Variants in OAT observed in about 807,000 individuals in gnomAD.
The protein encoded by OAT is ornithine aminotransferase, mitochondrial.
OAT carries 35 observed loss-of-function variants against 48.4 expected under a neutral mutation model. The observed-to-expected ratio is 0.72, with a 90% CI of 0.55 to 0.96. The LOEUF is 0.96. Ranked by LOEUF, OAT falls within the 40% of genes least tolerant of loss-of-function variation. OAT has a pLI of 0.00. For synonymous variants in OAT, 182 were observed against 198.4 expected (o/e 0.92, Z 0.70); for missense variants, 438 against 537.9 (o/e 0.81, Z 1.84).
intron 5 of OAT, among the ~76,000 whole-genome samples, chr10:124,405,135 A>C (rs1589704654): frequency 6.6e-6 from 1 of 152,328 alleles, no homozygotes; most frequent in African/African-American, 2.4e-5. Flanking sequence ...CCACTTCATA[A>C]TTTTAAAAAG....
chr10:124,403,286 G>GAGGCCATTCTTCCT (rs1951467839), intron 6 of OAT: 2 of 592,240 alleles, frequency 3.4e-6, no homozygotes, highest in South Asian at 4.0e-5. Context: ...GGCCCATTCT[G>GAGGCCATTCTTCCT]CCCTGCTCTA....
At chr10:124,416,290 G>T (rs979310665) in intron 1 of OAT, among the ~76,000 whole-genome samples, 6 of 152,170 alleles carry the variant, frequency 3.9e-5, no homozygotes, top group African/African-American at 1.4e-4. Context: ...CAGATAAAGA[G>T]GTCAGTCTTA....
At position 124,401,270 on chromosome 10, in the gene OAT, G is replaced by A. The variant is rs1022821973; in HGVS notation, c.1015-286C>T. Among the ~76,000 whole-genome samples, 12 of 152,186 alleles carry A rather than the reference G, an allele frequency of 7.9e-5. No homozygotes were observed. The South Asian group carries it at 1.0e-3, about 13-fold the overall frequency. On this transcript the variant is annotated intron_variant, in intron 8 of 9. Transcript: ENST00000368845. ...TCATTAATTGAATACATCAATGGAC[G>A]AAATGTAATTCCTAAACTGCAATAG...
intron 1 of OAT, among the ~76,000 whole-genome samples, chr10:124,417,650 G>T (rs887693787): frequency 1.1e-4 from 16 of 152,080 alleles, no homozygotes; most frequent in African/African-American, 3.4e-4. Context: ...ACAGAACCAG[G>T]ATATTCTAAT....
chr10:124,400,740 A>G, intron 9 of OAT, 100 bp downstream of exon 9: 1 of 968,236 alleles, frequency 1.0e-6, no homozygotes, highest in South Asian at 1.6e-5. Flanking sequence ...ACAGAGCAAG[A>G]CTCCGTCTCG....
chr10:124,405,613 A>G, intron 4 of OAT, 50 bp from the exon 5 acceptor site: 1 of 1,607,368 alleles, frequency 6.2e-7, no homozygotes, highest in South Asian at 1.1e-5. Flanking sequence ...CCAAAATTCA[A>G]TAAGCACTAT....
At chr10:124,403,989 A>G in intron 5 of OAT, 69 bp from the exon 6 acceptor site, 1 of 1,579,744 alleles carries the variant, frequency 6.3e-7, no homozygotes, top group Non-Finnish European at 8.7e-7. Flanking sequence ...GAAAGCATAT[A>G]CCACACATAT....
chr10:124,412,344 C>T (rs1450467883), intron 1 of OAT, 144 bp from the exon 2 acceptor site: 1 of 658,702 alleles, frequency 1.5e-6, no homozygotes, highest in African/African-American at 1.9e-5. Context: ...GACTCCATCA[C>T]TAAAAAAAAT....
intron 8 of OAT, among the ~76,000 whole-genome samples, 185 bp downstream of exon 8, chr10:124,401,541 T>C (rs1951408332): frequency 6.6e-6 from 1 of 152,226 alleles, no homozygotes; most frequent in South Asian, 2.1e-4. Flanking sequence ...GGAAATCCAG[T>C]CTACTAGGCC....
chr10:124,402,048 GTTAT>G (rs561875325), intron 7 of OAT, among the ~76,000 whole-genome samples: 1 of 151,194 alleles, frequency 6.6e-6, no homozygotes, highest in African/African-American at 2.4e-5. Context: ...CACCACACAT[GTTAT>G]TTATTTATTT....
chr10:124,408,996 A>G (rs765402591), intron 2 of OAT, 31 bp from the exon 3 acceptor site: 10 of 1,562,232 alleles, frequency 6.4e-6, no homozygotes, highest in Non-Finnish European at 8.8e-6. Flanking sequence ...AAATAATTTT[A>G]GACAATTACT....
chr10:124,416,331 A>C (rs1951917708), intron 1 of OAT, among the ~76,000 whole-genome samples: 1 of 152,188 alleles, frequency 6.6e-6, no homozygotes, highest in African/African-American at 2.4e-5. Context: ...CAAGGTAGCA[A>C]GTGATCAAGA....
intron 1 of OAT, among the ~76,000 whole-genome samples, chr10:124,413,309 C>CACAT (rs1554868278): frequency 7.8e-6 from 1 of 129,030 alleles, no homozygotes; most frequent in Non-Finnish European, 1.6e-5. Flanking sequence ...CACACACACA[C>CACAT]ATATATGAGA....
rs147674368 is a variant in OAT at position 124,411,373 on chromosome 10, A to C, written c.199+600T>G. 4.3e-3 allele frequency among the ~76,000 whole-genome samples: 661 copies of C among 152,244 alleles called. 6 individuals carry two copies. Among genetic ancestry groups the C allele is most frequent in the African/African-American group, 0.015 (634 of 41,548 alleles). ...TTTCTTAAGTCTAAAACTATGCCAAAATAAAAGTTAAAAGAAAAAAATGAC... is the reference window on the plus strand; with the variant it reads ...TTTCTTAAGTCTAAAACTATGCCAACATAAAAGTTAAAAGAAAAAAATGAC... On this transcript the variant is annotated intron_variant, in intron 2 of 9. Transcript: ENST00000368845.
At position 124,402,912 on chromosome 10, in the gene OAT, G is replaced by C. The variant is rs369658048; in HGVS notation, c.900+15C>G. 6.2e-7 allele frequency: 1 copy of C among 1,612,892 alleles called. No individual in the cohort carries two copies. The stretch of plus-strand genomic sequence containing the variant: ...CAAGAGTAGGAAATGGAAAGAGGGG[G>C]AACATGAAACTTACAGGGTATAAGC... On this transcript the variant is annotated intron_variant, in intron 7 of 9. Transcript: ENST00000368845.
intron 4 of OAT, among the ~76,000 whole-genome samples, chr10:124,406,460 C>T (rs1008747857): frequency 4.6e-5 from 7 of 151,926 alleles, no homozygotes; most frequent in South Asian, 2.1e-4. Flanking sequence ...CACTGCATTC[C>T]GGCCTGGGTG....
intron 7 of OAT, among the ~76,000 whole-genome samples, chr10:124,402,132 T>C (rs1951431589): frequency 6.6e-6 from 1 of 152,176 alleles, no homozygotes; most frequent in African/African-American, 2.4e-5. Context: ...ACTCATGACC[T>C]CAGGTGATCT....
At chr10:124,408,669 T>A (rs751968134) in intron 3 of OAT, 32 bp from the exon 4 acceptor site, 12 of 1,594,326 alleles carry the variant, frequency 7.5e-6, no homozygotes, top group African/African-American at 1.3e-5. Flanking sequence ...CAGATTTTTT[T>A]AAAATGTTAA....
chr10:124,405,532 A>G lies in OAT; in HGVS notation c.552T>C (p.Ala184=), dbSNP rs1187496135. 1 of 1,614,038 alleles carries G rather than the reference A, an allele frequency of 6.2e-7. No homozygotes were observed. The highest frequency in any genetic ancestry group is 8.5e-7 in the Non-Finnish European group (1 of 1,180,008). ...AGNFWGRTLS[A]ISSSTDPTSY... ...TGGTTGGGTCTGTGGAACTGGAGAT[A>G]GCAGACAACGTCCTACCCCAGAAGT... Residue 184 remains alanine, a synonymous_variant, in exon 5 of 10, where the codon GCT becomes GCC. Transcript: ENST00000368845.
Sources: allele counts gnomAD v4.1 joint callset (sites outside exome capture counted in the v4.1 genomes callset), GRCh38; gene constraint gnomAD v4.1.1; transcripts MANE v1.5; gene names NCBI Gene and HGNC (gene_info 2026-07-23, HGNC 2026-07-21).